The following DLG2 variants were observed in gnomAD, a reference collection of about 807,000 sequenced individuals.
The protein encoded by DLG2 is disks large homolog 2.
In DLG2, 45 loss-of-function variants were observed where a neutral mutation model predicts 132.5. The observed-to-expected ratio is 0.34, with a 90% CI of 0.27 to 0.44. The LOEUF is 0.44. Ranked by LOEUF, DLG2 falls within the 20% of genes least tolerant of loss-of-function variation. The probability of loss-of-function intolerance (pLI) is 1.00; values close to 1 mark genes in which losing one functional copy is unlikely to be tolerated. For synonymous variants in DLG2, 424 were observed against 419.6 expected, an observed-to-expected ratio of 1.01 and a Z score of -0.13; for missense variants, 1,045 against 1,196.9, an observed-to-expected ratio of 0.87 and a Z score of 1.87.
intron 16 of DLG2, among the ~76,000 whole-genome samples, chr11:83,849,454 G>T (rs559996719): frequency 3.2e-4 from 49 of 151,820 alleles, no homozygotes; most frequent in African/African-American, 1.1e-3. Flanking sequence ...GGTCCTCATA[G>T]AATTTCTAAT....
In DLG2 at chr11:85,201,739, T is replaced by C. The variant is rs556294641; in HGVS notation, c.187-47088A>G. ...TTCAGGGAAATATTACCTCACCAAATGGACAAAGTAAGGCACTAGAGACCA... is the reference window on the plus strand; with the variant it reads ...TTCAGGGAAATATTACCTCACCAAACGGACAAAGTAAGGCACTAGAGACCA... On this transcript the variant is annotated intron_variant, in intron 4 of 27. Transcript: ENST00000376104. Among the ~76,000 whole-genome samples, 219 of 152,240 alleles carry C rather than the reference T, an allele frequency of 1.4e-3. 2 individuals carry two copies. The highest frequency in any genetic ancestry group is 5.2e-3 in the African/African-American group (214 of 41,530).
intron 6 of DLG2, among the ~76,000 whole-genome samples, chr11:84,536,821 A>G: frequency 6.6e-6 from 1 of 151,644 alleles, no homozygotes; most frequent in East Asian, 1.9e-4. Context: ...TTGAGTCCAC[A>G]CTCTCCTTAT....
At chr11:85,159,176 C>T (rs1190162695) in intron 4 of DLG2, among the ~76,000 whole-genome samples, 1 of 152,076 alleles carries the variant, frequency 6.6e-6, no homozygotes, top group African/African-American at 2.4e-5. Context: ...TTCAGGGGAC[C>T]CAAAAGGTCA....
chr11:83,718,636 T>C (rs1454609059), intron 18 of DLG2, among the ~76,000 whole-genome samples: 7 of 150,250 alleles, frequency 4.7e-5, no homozygotes, highest in Non-Finnish European at 8.9e-5. Context: ...TGACAATGGG[T>C]TTCTTATTTT....
intron 7 of DLG2, among the ~76,000 whole-genome samples, chr11:84,358,743 T>C (rs955387742): frequency 2.0e-5 from 3 of 151,986 alleles, no homozygotes; most frequent in African/African-American, 4.8e-5. Context: ...GAATGACTTA[T>C]GTGTAATACC....
At chr11:84,816,980 C>T (rs2077147810) in intron 6 of DLG2, among the ~76,000 whole-genome samples, 1 of 151,962 alleles carries the variant, frequency 6.6e-6, no homozygotes, top group Non-Finnish European at 1.5e-5. Context: ...TCCCATTACC[C>T]ATTTTATTAC....
intron 6 of DLG2, among the ~76,000 whole-genome samples, chr11:84,964,237 T>G (rs141119510): frequency 0.021 from 3,125 of 152,216 alleles, 53 homozygotes; most frequent in Admixed American, 0.042. Context: ...TTGTGACCTC[T>G]TTGGTTTGCC....
chr11:84,844,721 T>C (rs1282023292), intron 6 of DLG2, among the ~76,000 whole-genome samples: 1 of 152,150 alleles, frequency 6.6e-6, no homozygotes, highest in Non-Finnish European at 1.5e-5. Flanking sequence ...AAGCAGTGTG[T>C]ATGCTCATTT....
At position 84,639,668 on chromosome 11, in the gene DLG2, A is replaced by C. The variant is rs536590876; in HGVS notation, c.358-104937T>G. On this transcript the variant is annotated intron_variant, in intron 6 of 27. Coordinates refer to ENST00000376104, the MANE Select transcript of DLG2 (RefSeq NM_001142699.3). ...GTACTACCTCTGGAGTCCTAATTTC[A>C]AACATTATTAGTGGCTCTTCCCAAA... Among the ~76,000 whole-genome samples the C allele has an allele frequency of 5.9e-5, 9 of 152,196 alleles. No homozygotes were observed. The East Asian group carries it at 1.5e-3, about 26-fold the overall frequency.
intron 6 of DLG2, chr11:84,955,675 T>C (rs2051559875): frequency 6.6e-6 from 1 of 152,228 alleles, no homozygotes; most frequent in African/African-American, 2.4e-5. Flanking sequence ...ATAAATATCC[T>C]GTGCTTTCTC....
chr11:84,951,607 T>C (rs994437192), intron 6 of DLG2, among the ~76,000 whole-genome samples: 3 of 150,386 alleles, frequency 2.0e-5, no homozygotes, highest in Non-Finnish European at 3.0e-5. Flanking sequence ...TATACACATA[T>C]ATATACACAT....
chr11:84,897,457 C>G (rs760511425), intron 6 of DLG2, among the ~76,000 whole-genome samples: 14 of 151,806 alleles, frequency 9.2e-5, no homozygotes, highest in Non-Finnish European at 1.6e-4. Flanking sequence ...TTGTTTCTCT[C>G]CTATTCTCCC....
intron 15 of DLG2, among the ~76,000 whole-genome samples, chr11:83,876,076 ACTGC>A (rs1381078750): frequency 5.3e-5 from 8 of 152,178 alleles, no homozygotes; most frequent in African/African-American, 1.9e-4. Flanking sequence ...ATGTAGCCAG[ACTGC>A]CTGGCTCAAC....
At chr11:83,586,579 C>T (rs1294433474) in intron 19 of DLG2, among the ~76,000 whole-genome samples, 7 of 152,332 alleles carry the variant, frequency 4.6e-5, no homozygotes, top group Admixed American at 4.6e-4. Flanking sequence ...CCCTGAGGTA[C>T]AGGGTCAGAA....
intron 6 of DLG2, among the ~76,000 whole-genome samples, chr11:85,103,165 C>G (rs2071146836): frequency 6.6e-6 from 1 of 151,954 alleles, no homozygotes; most frequent in Non-Finnish European, 1.5e-5. Flanking sequence ...AGATATAATA[C>G]TGATAAACAG....
intron 3 of DLG2, among the ~76,000 whole-genome samples, chr11:85,338,541 G>A (rs2082278495): frequency 6.6e-6 from 1 of 151,722 alleles, no homozygotes. Context: ...GTTTAGTTTG[G>A]TGGTGTGTGA....
At chr11:84,859,090 C>T (rs1325900180) in intron 6 of DLG2, among the ~76,000 whole-genome samples, 3 of 151,784 alleles carry the variant, frequency 2.0e-5, no homozygotes, top group African/African-American at 7.3e-5. Context: ...AGGACTCCTG[C>T]AGGGACTAAA....
chr11:85,609,385 G>T (rs1191709677), intron 2 of DLG2, among the ~76,000 whole-genome samples: 2 of 152,120 alleles, frequency 1.3e-5, no homozygotes, highest in Non-Finnish European at 2.9e-5. Flanking sequence ...GGACCAAGAG[G>T]AACAGGCCCA....
intron 7 of DLG2, among the ~76,000 whole-genome samples, chr11:84,513,781 A>ACCC (rs2099264173): frequency 4.0e-5 from 6 of 149,652 alleles, no homozygotes; most frequent in African/African-American, 7.3e-5. Context: ...AGGCCCCCCA[A>ACCC]AAAAAAAAAT....
Sources: allele counts gnomAD v4.1 joint callset (sites outside exome capture counted in the v4.1 genomes callset), GRCh38; gene constraint gnomAD v4.1.1; transcripts MANE v1.5; gene names NCBI Gene and HGNC (gene_info 2026-07-23, HGNC 2026-07-21).